The following LSAMP variants were observed in gnomAD, a reference collection of about 807,000 sequenced individuals.
LSAMP encodes limbic system associated membrane protein.
In LSAMP, 7 loss-of-function variants were observed where a neutral mutation model predicts 38.6. The ratio of observed to expected loss-of-function variants is 0.18; its 90% CI spans 0.10 to 0.34. The LOEUF is 0.34. LSAMP is among the 10% of genes least tolerant of loss of function. The pLI is 1.00. For synonymous variants in LSAMP, 154 were observed against 166.8 expected (o/e 0.92, Z 0.59); for missense variants, 313 against 420.0 (o/e 0.75, Z 2.23).
chr3:116,104,764 T>A (rs1276373609), intron 1 of LSAMP, among the ~76,000 whole-genome samples: 1 of 152,214 alleles, frequency 6.6e-6, no homozygotes, highest in African/African-American at 2.4e-5. Context: ...TAATACTAAG[T>A]CTGCTCACTC....
chr3:116,297,515 G>A lies in LSAMP; in HGVS notation c.155+147362C>T, dbSNP rs1418283829. On this transcript the variant is annotated intron_variant, in intron 1 of 6. Transcript: ENST00000490035. ...CAAAATGACATTTTTTCTTGTACAG[G>A]TGATAATATATGATACCATATTTTC... is the stretch of plus-strand genomic sequence containing the variant. 6.6e-5 allele frequency among the ~76,000 whole-genome samples: 10 copies of A among 152,206 alleles called. No individual in the cohort carries two copies. In the East Asian group the frequency reaches 7.7e-4, roughly 12 times the overall value.
chr3:116,217,464 C>T (rs1467912978), intron 1 of LSAMP, among the ~76,000 whole-genome samples: 1 of 152,178 alleles, frequency 6.6e-6, no homozygotes, highest in Non-Finnish European at 1.5e-5. Flanking sequence ...TACAAATGCA[C>T]GCATTCTTGC....
At chr3:116,160,140 C>A (rs1709849499) in intron 1 of LSAMP, among the ~76,000 whole-genome samples, 2 of 152,150 alleles carry the variant, frequency 1.3e-5, no homozygotes, top group South Asian at 4.1e-4. Flanking sequence ...TGGCTCACAC[C>A]TGTAATCCCA....
chr3:116,063,827 C>A (rs563485084), intron 2 of LSAMP, among the ~76,000 whole-genome samples: 8 of 152,060 alleles, frequency 5.3e-5, no homozygotes, highest in Admixed American at 4.6e-4. Context: ...ACAAAAAAAC[C>A]AAATCTTCAA....
chr3:116,044,749 CA>C (rs1941252565), intron 2 of LSAMP, among the ~76,000 whole-genome samples: 1 of 152,106 alleles, frequency 6.6e-6, no homozygotes, highest in Non-Finnish European at 1.5e-5. Context: ...CCCAGCTGGC[CA>C]GACCTCCAAG....
intron 2 of LSAMP, among the ~76,000 whole-genome samples, chr3:116,046,187 C>T (rs1941284364): frequency 6.6e-6 from 1 of 152,170 alleles, no homozygotes; most frequent in Non-Finnish European, 1.5e-5. Context: ...CAAAGCTGTA[C>T]TTTGAAGCTG....
At chr3:116,247,300 C>G (rs2046617164) in intron 1 of LSAMP, among the ~76,000 whole-genome samples, 1 of 152,204 alleles carries the variant, frequency 6.6e-6, no homozygotes, top group South Asian at 2.1e-4. Flanking sequence ...CTACTGTACT[C>G]TATCAGACCA....
intron 1 of LSAMP, among the ~76,000 whole-genome samples, chr3:116,327,887 C>T (rs984963154): frequency 1.3e-4 from 20 of 152,104 alleles, no homozygotes. Flanking sequence ...CTCTCTTGTG[C>T]CTGTCCTATT....
chr3:116,242,955 A>G (rs1226888124), intron 1 of LSAMP, among the ~76,000 whole-genome samples: 2 of 152,172 alleles, frequency 1.3e-5, no homozygotes, highest in East Asian at 3.8e-4. Context: ...GGAAAATGTA[A>G]TTCTCTATGA....
chr3:115,833,084 C>T (rs1878219), intron 6 of LSAMP, among the ~76,000 whole-genome samples: 67,591 of 151,952 alleles, frequency 0.44, 15,680 homozygotes, highest in African/African-American at 0.58. Context: ...AGATGGGGCA[C>T]GACCTCTTTG....
chr3:115,860,384 G>T (rs1935639653), intron 3 of LSAMP, among the ~76,000 whole-genome samples: 1 of 152,166 alleles, frequency 6.6e-6, no homozygotes, highest in East Asian at 1.9e-4. Context: ...TTTATCATTA[G>T]AATGCTGAAG....
At chr3:116,408,464 A>G (rs1401557475) in intron 1 of LSAMP, among the ~76,000 whole-genome samples, 1 of 152,122 alleles carries the variant, frequency 6.6e-6, no homozygotes, top group Non-Finnish European at 1.5e-5. Context: ...ATTTTATTTT[A>G]GAAAGAAGCA....
At chr3:116,064,342 A>G (rs1342176464) in intron 2 of LSAMP, among the ~76,000 whole-genome samples, 2 of 152,200 alleles carry the variant, frequency 1.3e-5, no homozygotes, top group Middle Eastern at 3.4e-3. Context: ...CCTGACCAAC[A>G]TGGTGAAACC....
intron 4 of LSAMP, among the ~76,000 whole-genome samples, chr3:115,844,982 T>TA (rs1395144163): frequency 1.3e-5 from 2 of 151,844 alleles, no homozygotes; most frequent in South Asian, 2.1e-4. Flanking sequence ...GTCTCAAAAA[T>TA]AAAAAAATGT....
rs188970105 is a variant in LSAMP at position 115,858,528 on chromosome 3, A to G, written c.515-5911T>C. Among the ~76,000 whole-genome samples the G allele has an allele frequency of 2.5e-4, 38 of 152,242 alleles. 1 individual carries two copies. Among genetic ancestry groups the G allele is most frequent in the African/African-American group, 8.0e-4 (33 of 41,508 alleles). ...TTTTCACTGTTCTGAGAAGACTTTT[A>G]TAAGTATAGCATCTCGGTAGATCAA... On this transcript the variant is annotated intron_variant, in intron 3 of 6. Coordinates refer to ENST00000490035, the MANE Select transcript of LSAMP (RefSeq NM_002338.5).
intron 1 of LSAMP, among the ~76,000 whole-genome samples, chr3:116,299,862 G>A (rs1189470005): frequency 1.3e-5 from 2 of 149,432 alleles, no homozygotes; most frequent in African/African-American, 5.1e-5. Flanking sequence ...AGGCTGTGGG[G>A]AAACCAACAG....
intron 1 of LSAMP, among the ~76,000 whole-genome samples, chr3:116,241,152 G>A (rs1254797190): frequency 1.3e-5 from 2 of 151,212 alleles, no homozygotes; most frequent in East Asian, 3.9e-4. Flanking sequence ...ACTCCAGCCT[G>A]GGTAACAAGT....
intron 3 of LSAMP, among the ~76,000 whole-genome samples, chr3:115,877,188 AACCTT>A (rs1363258329): frequency 2.0e-5 from 3 of 152,080 alleles, no homozygotes; most frequent in African/African-American, 4.8e-5. Flanking sequence ...GGGATAACAA[AACCTT>A]ATTCCAGTTA....
At chr3:115,854,843 C>G (rs1935456905) in intron 3 of LSAMP, among the ~76,000 whole-genome samples, 1 of 152,034 alleles carries the variant, frequency 6.6e-6, no homozygotes, top group South Asian at 2.1e-4. Context: ...ATTTAGCAGG[C>G]AGAAATAGGT....
Sources: gnomAD v4.1 joint callset for allele counts (sites outside exome capture counted in the v4.1 genomes callset) on GRCh38, gnomAD v4.1.1 for gene constraint, MANE v1.5 for transcripts, NCBI Gene and HGNC (gene_info 2026-07-23, HGNC 2026-07-21) for gene names.